The following RYR3 variants were observed in gnomAD, a reference collection of about 807,000 sequenced individuals.
RYR3 encodes ryanodine receptor 3.
Under a neutral mutation model 584.3 loss-of-function variants are expected in RYR3, and 207 were observed. That is an observed-to-expected ratio of 0.35 (90% confidence interval 0.32 to 0.40). The LOEUF (loss-of-function observed/expected upper bound fraction) is 0.40. Among genes scored for constraint, RYR3 ranks in the 10% least tolerant of loss-of-function variants. RYR3 has a pLI of 1.00. For synonymous variants in RYR3, 2,416 were observed against 2,248.5 expected (o/e 1.07, Z -2.11); for missense variants, 5,616 against 6,089.2 (o/e 0.92, Z 2.59).
At chr15:33,477,575 T>TAAAAAAAAAAA (rs3084422) in intron 2 of RYR3, among the ~76,000 whole-genome samples, 2 of 116,432 alleles carry the variant, frequency 1.7e-5, no homozygotes, top group Non-Finnish European at 3.3e-5. Flanking sequence ...CTTGTTTTGT[T>TAAAAAAAAAAA]AAAAAAAAAA....
At position 33,639,135 on chromosome 15, in the gene RYR3, A is replaced by C. The variant is rs990516712; in HGVS notation, c.3556+2585A>C. Reference sequence around the variant, plus strand: ...CTATAGAGGGGAGGGACATTTGAGCATAACCCGGCTTTGAGAGAGCCTCTG... The same window carrying C: ...CTATAGAGGGGAGGGACATTTGAGCCTAACCCGGCTTTGAGAGAGCCTCTG... On this transcript the variant is annotated intron_variant, in intron 27 of 103. Transcript: ENST00000634891. 3.7e-4 allele frequency among the ~76,000 whole-genome samples: 56 copies of C among 152,332 alleles called. 1 individual carries two copies. Among genetic ancestry groups the C allele is most frequent in the Middle Eastern group, 3.4e-3 (1 of 294 alleles).
intron 3 of RYR3, among the ~76,000 whole-genome samples, chr15:33,509,332 G>A (rs762371920): frequency 3.9e-5 from 6 of 152,120 alleles, no homozygotes; most frequent in Non-Finnish European, 7.3e-5. Context: ...GGGTTCCTGT[G>A]TGCCTGCCAA....
intron 57 of RYR3, among the ~76,000 whole-genome samples, chr15:33,754,707 T>G (rs184250503): frequency 6.6e-6 from 1 of 152,306 alleles, no homozygotes; most frequent in East Asian, 1.9e-4. Context: ...CTGCTTTAAT[T>G]TTTCTTTTAT....
At chr15:33,397,266 A>G (rs1262742050) in intron 1 of RYR3, among the ~76,000 whole-genome samples, 1 of 152,250 alleles carries the variant, frequency 6.6e-6, no homozygotes, top group Non-Finnish European at 1.5e-5. Flanking sequence ...CAGGTTGGCT[A>G]AATGTACATA....
intron 1 of RYR3, among the ~76,000 whole-genome samples, chr15:33,395,266 C>A (rs1333766133): frequency 1.3e-5 from 2 of 152,212 alleles, no homozygotes; most frequent in South Asian, 2.1e-4. Context: ...GTAGCTGGAG[C>A]CTTTTCCTTC....
chr15:33,580,274 A>G, intron 13 of RYR3, 130 bp downstream of exon 13: 1 of 788,982 alleles, frequency 1.3e-6, no homozygotes. Flanking sequence ...AGAGATTTGG[A>G]AGCTGGGAAA....
At chr15:33,647,325 AACTTG>A (rs1226808249) in intron 29 of RYR3, 94 bp from the exon 30 acceptor site, 3 of 936,298 alleles carry the variant, frequency 3.2e-6, no homozygotes, top group African/African-American at 3.3e-5. Context: ...CAGTTTCCTA[AACTTG>A]ACTTGATCAT....
chr15:33,670,972 A>C (rs1015065548), intron 38 of RYR3, among the ~76,000 whole-genome samples: 1 of 152,166 alleles, frequency 6.6e-6, no homozygotes, highest in African/African-American at 2.4e-5. Flanking sequence ...TAATAATAAA[A>C]GAGAGTTTGT....
chr15:33,675,594 G>A (rs1422082353), intron 38 of RYR3, among the ~76,000 whole-genome samples: 1 of 152,172 alleles, frequency 6.6e-6, no homozygotes, highest in East Asian at 1.9e-4. Flanking sequence ...AGGAGACTGA[G>A]CATGAGACAG....
intron 1 of RYR3, among the ~76,000 whole-genome samples, chr15:33,452,278 T>G (rs1226390883): frequency 6.6e-6 from 1 of 152,192 alleles, no homozygotes; most frequent in African/African-American, 2.4e-5. Flanking sequence ...GATATTTCTT[T>G]TTAACTTCCA....
chr15:33,707,810 A>T (rs1336256816), intron 43 of RYR3, among the ~76,000 whole-genome samples: 1 of 152,214 alleles, frequency 6.6e-6, no homozygotes, highest in African/African-American at 2.4e-5. Context: ...ACACACAATC[A>T]TGCCAGTTGT....
intron 12 of RYR3, among the ~76,000 whole-genome samples, chr15:33,570,699 T>C (rs984412495): frequency 6.6e-6 from 1 of 152,198 alleles, no homozygotes; most frequent in Non-Finnish European, 1.5e-5. Context: ...CATTAAGTCT[T>C]CCAATCTTCA....
chr15:33,510,723 A>G (rs2052908122), intron 3 of RYR3, among the ~76,000 whole-genome samples: 1 of 151,922 alleles, frequency 6.6e-6, no homozygotes, highest in South Asian at 2.1e-4. Flanking sequence ...ATTAAATATT[A>G]TTATAAATGA....
chr15:33,829,826 T>G (rs934337490), intron 85 of RYR3, among the ~76,000 whole-genome samples: 1 of 152,076 alleles, frequency 6.6e-6, no homozygotes. Flanking sequence ...AGGAAGTTGA[T>G]TGCAACCCTT....
At chr15:33,822,015 A>AT (rs1416442895) in intron 80 of RYR3, among the ~76,000 whole-genome samples, 30 of 147,782 alleles carry the variant, frequency 2.0e-4, no homozygotes, top group African/African-American at 5.4e-4. Flanking sequence ...TCGTTCGTTC[A>AT]TCCATTCATT....
At chr15:33,569,658 G>A (rs1302884082) in intron 12 of RYR3, among the ~76,000 whole-genome samples, 1 of 152,060 alleles carries the variant, frequency 6.6e-6, no homozygotes, top group African/African-American at 2.4e-5. Context: ...CACTTTTTAA[G>A]AAACTGAAAA....
Position 33,854,533 on chromosome 15 carries a change from A to C in RYR3, c.13860+84A>C, listed in dbSNP as rs577200017. 5 of 1,205,206 alleles carry C rather than the reference A, an allele frequency of 4.1e-6. No individual in the cohort carries two copies. The African/African-American group carries it at 6.2e-5, about 15-fold the overall frequency. The allele number at this position is 1,205,206 out of a possible 1,614,324, so 74.7% of individuals were successfully genotyped here. On this transcript the variant is annotated intron_variant, in intron 97 of 103. Transcript: ENST00000634891. ...AAGCAAGCTATGCAGGATGCTCAGA[A>C]GGGTTCAGGGATTGCTTATCAAAGA...
intron 93 of RYR3, chr15:33,847,066 G>C (rs559707661): frequency 2.0e-5 from 3 of 152,216 alleles, no homozygotes; most frequent in Non-Finnish European, 4.4e-5. Context: ...CCAGAGATGA[G>C]CACCGCTCTA....
chr15:33,326,638 A>C (rs751512606), intron 1 of RYR3, among the ~76,000 whole-genome samples: 11 of 152,162 alleles, frequency 7.2e-5, no homozygotes, highest in Non-Finnish European at 1.2e-4. Flanking sequence ...GTAAAGCAAT[A>C]CTCAGCAGTA....
Sources: gnomAD v4.1 joint callset for allele counts (sites outside exome capture counted in the v4.1 genomes callset) on GRCh38, gnomAD v4.1.1 for gene constraint, MANE v1.5 for transcripts, NCBI Gene and HGNC (gene_info 2026-07-23, HGNC 2026-07-21) for gene names.